Variants in SI observed in about 807,000 individuals in gnomAD.
The protein encoded by SI is sucrase-isomaltase, also known as sucrase-isomaltase, intestinal.
SI carries 235 observed loss-of-function variants against 253.3 expected under a neutral mutation model. The ratio of observed to expected loss-of-function variants is 0.93; its 90% CI spans 0.83 to 1.03. SI has a LOEUF of 1.03. SI is among the 50% of genes least tolerant of loss of function. The pLI is 0.00. For missense variants in SI, 2,442 were observed against 2,211.1 expected (o/e 1.10, Z -2.09); for synonymous variants, 819 against 712.0 (o/e 1.15, Z -2.39).
intron 36 of SI, 130 bp from the exon 37 acceptor site, chr3:165,007,084 C>T (rs1289127248): frequency 5.8e-6 from 4 of 693,942 alleles, no homozygotes; most frequent in African/African-American, 5.4e-5. Flanking sequence ...ATATTTTAAC[C>T]ATTTGTATAC....
intron 25 of SI, among the ~76,000 whole-genome samples, chr3:165,029,039 A>C (rs972094276): frequency 1.3e-5 from 2 of 151,552 alleles, no homozygotes; most frequent in Non-Finnish European, 3.0e-5. Flanking sequence ...ACAAAGAACG[A>C]ATATCCAGAA....
chr3:165,088,378 C>T, the SI span, among the ~76,000 whole-genome samples: 16 of 146,996 alleles, frequency 1.1e-4, no homozygotes, highest in Non-Finnish European at 1.4e-4. Flanking sequence ...GATGTGGTGG[C>T]TCACACCTGG....
intron 34 of SI, among the ~76,000 whole-genome samples, chr3:165,011,573 A>G (rs1407467821): frequency 2.0e-5 from 3 of 152,052 alleles, no homozygotes; most frequent in Non-Finnish European, 4.4e-5. Context: ...AAGAATGTAT[A>G]TATGGCTGCT....
intron 34 of SI, among the ~76,000 whole-genome samples, chr3:165,009,597 G>T (rs2080902091): frequency 6.6e-6 from 1 of 152,060 alleles, no homozygotes; most frequent in Admixed American, 6.6e-5. Flanking sequence ...GGAGATAATA[G>T]AGCCATTTTG....
At chr3:165,038,371 T>A (rs1683666746) in intron 20 of SI, among the ~76,000 whole-genome samples, 1 of 151,906 alleles carries the variant, frequency 6.6e-6, no homozygotes, top group Non-Finnish European at 1.5e-5. Flanking sequence ...AAATAAAGGG[T>A]ATACTTAGCC....
chr3:165,026,617 G>A (rs1711935272), intron 25 of SI, among the ~76,000 whole-genome samples: 1 of 151,190 alleles, frequency 6.6e-6, no homozygotes, highest in African/African-American at 2.4e-5. Flanking sequence ...ATTATATCAA[G>A]CACTCTCTGA....
chr3:165,047,112 T>A (rs1713162187), intron 15 of SI, 100 bp from the exon 16 acceptor site: 8 of 951,316 alleles, frequency 8.4e-6, no homozygotes, highest in Non-Finnish European at 1.3e-5. Context: ...GTGATATAGT[T>A]TGGCTGTGTC....
At position 165,021,279 on chromosome 3, in the gene SI, C is replaced by T. The variant is rs986556305; in HGVS notation, c.3204G>A (p.Lys1068=). Residue 1068 remains lysine, a synonymous_variant, in exon 27 of 48, where the codon AAG becomes AAA. Transcript: ENST00000264382. ...YEDRLYDVEI[K]ENPFGIQIRR... The stretch of plus-strand genomic sequence containing the variant: ...GAATCTGGATGCCAAAAGGATTTTC[C>T]TTGATTTCCACATCATAAAGTCTGT... 6 of 1,611,306 alleles carry T rather than the reference C, an allele frequency of 3.7e-6. No individual in the cohort carries two copies. The highest frequency in any genetic ancestry group is 2.7e-5 in the African/African-American group (2 of 74,714).
At chr3:165,081,979 T>A (rs540257537), upstream of SI, among the ~76,000 whole-genome samples, 1 of 151,980 alleles carries the variant, frequency 6.6e-6, no homozygotes, top group Admixed American at 6.6e-5. Flanking sequence ...AGTGCTAGTA[T>A]TCCAGTCTTA....
At chr3:165,060,462 T>C (rs1423399468) in intron 9 of SI, among the ~76,000 whole-genome samples, 1 of 152,010 alleles carries the variant, frequency 6.6e-6, no homozygotes, top group African/African-American at 2.4e-5. Context: ...AATTTCTGTT[T>C]CCTTACATTT....
At chr3:165,031,270 T>C (rs1272764188) in intron 24 of SI, among the ~76,000 whole-genome samples, 1 of 149,330 alleles carries the variant, frequency 6.7e-6, no homozygotes, top group Non-Finnish European at 1.5e-5. Context: ...TGCAAAACTT[T>C]AAGGAATGAA....
At chr3:164,997,333 A>G (rs1425248447) in intron 38 of SI, among the ~76,000 whole-genome samples, 2 of 151,752 alleles carry the variant, frequency 1.3e-5, no homozygotes, top group African/African-American at 4.8e-5. Flanking sequence ...TTTTAAGACT[A>G]AATATAGAGC....
intron 1 of SI, among the ~76,000 whole-genome samples, chr3:165,077,481 T>C (rs1405408845): frequency 6.6e-6 from 1 of 151,752 alleles, no homozygotes; most frequent in Non-Finnish European, 1.5e-5. Flanking sequence ...GTATAGCTTA[T>C]AAATGAATAT....
rs1034933575 is a variant in SI, at chr3:164,987,023, T to G, written c.5197+115A>C. 1.2e-5 allele frequency: 10 copies of G among 838,516 alleles called. No homozygotes were observed. The East Asian group carries it at 2.6e-4, about 22-fold the overall frequency. 51.9% of individuals were successfully genotyped at this position (838,516 alleles called of 1,614,324 possible). On this transcript the variant is annotated intron_variant, in intron 45 of 47. Transcript: ENST00000264382. ...GTGAATTTAGTAAAATCTTTTAGCC[T>G]TGAATAATATTAATAGCTTTGTACT...
chr3:165,049,011 T>C, intron 15 of SI, 116 bp downstream of exon 15: 1 of 636,316 alleles, frequency 1.6e-6, no homozygotes, highest in Middle Eastern at 3.4e-4. Context: ...AGGCATAAAA[T>C]ATTATCTTTC....
intron 17 of SI, among the ~76,000 whole-genome samples, chr3:165,041,726 C>G (rs183782488): frequency 1.4e-4 from 21 of 152,198 alleles, no homozygotes; most frequent in Non-Finnish European, 2.6e-4. Flanking sequence ...AGCCAAGTAA[C>G]ACTGATATGG....
chr3:165,086,397 T>A, the SI span, among the ~76,000 whole-genome samples: 1 of 152,308 alleles, frequency 6.6e-6, no homozygotes, highest in East Asian at 1.9e-4. Context: ...ACTAGGTTGC[T>A]GGCACAAAAC....
chr3:165,018,167 T>G lies in SI; in HGVS notation c.3424-101A>C, dbSNP rs1719133296. ...TTATTATACAATCGAGACTTGATAT[T>G]TAAATTCCCGTTTCCCAACCTTAAA... On this transcript the variant is annotated intron_variant, in intron 28 of 47. Coordinates refer to ENST00000264382, the MANE Select transcript of SI (RefSeq NM_001041.4). 4.0e-6 allele frequency: 3 copies of G among 744,884 alleles called. No homozygotes were observed. In the African/African-American group the frequency reaches 5.2e-5, roughly 13 times the overall value. 46.1% of individuals were successfully genotyped at this position (744,884 alleles called of 1,614,324 possible). A position where few individuals can be genotyped will look rare whatever the true frequency, so the allele number is the denominator to read the frequency against.
At chr3:164,980,633 T>C (rs1717135956) in intron 47 of SI, among the ~76,000 whole-genome samples, 1 of 151,968 alleles carries the variant, frequency 6.6e-6, no homozygotes. Flanking sequence ...TGTATATTTC[T>C]TCATCACTGA....
Sources: allele counts gnomAD v4.1 joint callset (sites outside exome capture counted in the v4.1 genomes callset), GRCh38; gene constraint gnomAD v4.1.1; transcripts MANE v1.5; gene names NCBI Gene and HGNC (gene_info 2026-07-23, HGNC 2026-07-21).